The following OMG variants were observed in gnomAD, a reference collection of about 807,000 sequenced individuals.
The protein encoded by OMG is oligodendrocyte myelin glycoprotein.
OMG carries 9 observed loss-of-function variants against 26.2 expected under a neutral mutation model. That is an observed-to-expected ratio of 0.34 (90% CI 0.21 to 0.60). OMG has a LOEUF of 0.60. Ranked by LOEUF, OMG falls within the 20% of genes least tolerant of loss-of-function variation. OMG has a pLI of 0.80. For synonymous variants in OMG, 179 were observed against 190.4 expected (o/e 0.94, Z 0.49); for missense variants, 402 against 513.6 (o/e 0.78, Z 2.10).
rs1199523747 is a variant in OMG, at chr17:31,296,023, G to A, written c.309C>T (p.Asn103=). 3 of 1,614,152 alleles carry A rather than the reference G, an allele frequency of 1.9e-6. No individual in the cohort carries two copies. The highest frequency in any genetic ancestry group is 2.5e-6 in the Non-Finnish European group (3 of 1,180,010). Residue 103 remains asparagine, a synonymous_variant, in exon 2 of 2, where the codon AAC becomes AAT. Transcript: ENST00000247271. ...TAATGTTGTTGTTAGCAGCAGACAT[G>A]TTCCACAGAGACCGAGGTAAGTGAG... is the stretch of plus-strand genomic sequence containing the variant. ...LPAHLPRSLW[N]MSAANNNIKL... is the part of the protein sequence containing the mutation.
In OMG at chr17:31,296,124, G is replaced by T; in HGVS notation, c.208C>A (p.Leu70Met). 1 of 1,611,008 alleles carries T rather than the reference G, an allele frequency of 6.2e-7. No individual in the cohort carries two copies. Among genetic ancestry groups the T allele is most frequent in the Non-Finnish European group, 8.5e-7 (1 of 1,178,140 alleles). The part of the protein sequence containing the change: ...LNLSYNHFTD[L>M]HNQLTQYTNL... ...GTATATTGGGTTAACTGGTTATGCA[G>T]ATCAGTAAAGTGGTTATAAGACAGG... The change falls in exon 2 of 2, where the codon CTG becomes ATG. Residue 70 changes from leucine (L) to methionine (M), a missense_variant. This residue lies in a region of OMG where 65 missense variants were observed against 80.0 expected (regional missense o/e 0.81). Coordinates refer to ENST00000247271, the MANE Select transcript of OMG (RefSeq NM_002544.5).
Position 31,295,165 on chromosome 17 carries a change from A to G in OMG, c.1167T>C (p.Asn389=). 1 of 1,614,140 alleles carries G rather than the reference A, an allele frequency of 6.2e-7. No homozygotes were observed. The highest frequency in any genetic ancestry group is 1.1e-5 in the South Asian group (1 of 91,078). The change falls in exon 2 of 2, where the codon AAT becomes AAC. Residue 389 remains asparagine, a synonymous_variant. Coordinates refer to ENST00000247271, the MANE Select transcript of OMG (RefSeq NM_002544.5). Reference sequence around the variant, plus strand: ...TGCTTTGTTGAGGCATTTCAGAGAAATTATTTGGCATGCCACTAGTGATAC... The same window carrying G: ...TGCTTTGTTGAGGCATTTCAGAGAAGTTATTTGGCATGCCACTAGTGATAC... ...TLSITSGMPN[N]FSEMPQQSTT... is the part of the protein sequence containing the mutation.
At chr17:31,296,769 A>G (rs1189446811) in intron 1 of OMG, 4 of 216,362 alleles carry the variant, frequency 1.8e-5, no homozygotes, top group Admixed American at 1.0e-4. Context: ...TAATCTCTGC[A>G]GTAATGTAAT....
At position 31,295,065 on chromosome 17, in the gene OMG, T is replaced by G; in HGVS notation, c.1267A>C (p.Lys423Gln). ...AATAAGAGAAATGAAGCATTTACTT[T>G]CCAAGCATTTGCCACAGAAGGTAAT... ...TPLPSVANAWKVNASFLLLLN... is the reference protein window; with the variant it reads ...TPLPSVANAWQVNASFLLLLN... The change falls in exon 2 of 2, where the codon AAA becomes CAA. Residue 423 changes from lysine to glutamine, a missense_variant. By Grantham distance (53) the Lys-to-Gln change is moderately conservative. This residue lies in a region of OMG where 247 missense variants were observed against 274.7 expected (regional missense o/e 0.90). Coordinates refer to ENST00000247271, the MANE Select transcript of OMG (RefSeq NM_002544.5). 1 of 1,614,180 alleles carries G rather than the reference T, an allele frequency of 6.2e-7. No individual in the cohort carries two copies. The highest frequency in any genetic ancestry group is 8.5e-7 in the Non-Finnish European group (1 of 1,180,016).
In OMG at chr17:31,295,843, G is replaced by A; in HGVS notation, c.489C>T (p.Thr163=). The A allele has an allele frequency of 6.2e-7, 1 of 1,614,172 alleles. No individual in the cohort carries two copies. Among genetic ancestry groups the A allele is most frequent in the Non-Finnish European group, 8.5e-7 (1 of 1,180,020 alleles). Residue 163 remains threonine (T), a synonymous_variant, in exon 2 of 2, where the codon ACC becomes ACT. Transcript: ENST00000247271. The part of the protein sequence containing the change: ...LSSNKLWTVP[T]NMPSKLHIVD... ...CGATATGTAGTTTGGAGGGCATGTT[G>A]GTTGGAACTGTCCAAAGTTTGTTAC...
At position 31,295,487 on chromosome 17, in the gene OMG, C is replaced by A. The variant is rs1303980914; in HGVS notation, c.845G>T (p.Gly282Val). ...GTTAATGGTGTCCACTGTCTGCATCCCACTTACAGTGAATAAGCTTGAGGT... is the reference window on the plus strand; with the variant it reads ...GTTAATGGTGTCCACTGTCTGCATCACACTTACAGTGAATAAGCTTGAGGT... ...GFTSSLFTVSGMQTVDTINSL... is the reference protein window; with the variant it reads ...GFTSSLFTVSVMQTVDTINSL... Residue 282 changes from glycine (G) to valine (V), a missense_variant, in exon 2 of 2, where the codon GGG (glycine) becomes GTG (valine). Coordinates refer to ENST00000247271, the MANE Select transcript of OMG (RefSeq NM_002544.5). 1 of 1,613,972 alleles carries A rather than the reference C, an allele frequency of 6.2e-7. No individual in the cohort carries two copies. The highest frequency in any genetic ancestry group is 1.3e-5 in the African/African-American group (1 of 74,886).
Position 31,296,159 on chromosome 17 carries a change from A to G in OMG, c.173T>C (p.Ile58Thr). Residue 58 changes from isoleucine to threonine, a missense_variant, in exon 2 of 2, where the codon ATA (isoleucine) becomes ACA (threonine). This residue lies in a region of OMG where 65 missense variants were observed against 80.0 expected (regional missense o/e 0.81). Transcript: ENST00000247271. The stretch of plus-strand genomic sequence containing the variant: ...GTGGTTATAAGACAGGTTTAAATGT[A>G]TAATATTCTCTTGCAGTCCAGATGG... ...TLPSGLQENI[I>T]HLNLSYNHFT... 1 of 1,612,248 alleles carries G rather than the reference A, an allele frequency of 6.2e-7. No homozygotes were observed. The highest frequency in any genetic ancestry group is 2.2e-5 in the East Asian group (1 of 44,868).
Position 31,295,870 on chromosome 17 carries a change from A to G in OMG, c.462T>C (p.Ser154=), listed in dbSNP as rs1240210013. 9.9e-6 allele frequency: 16 copies of G among 1,614,208 alleles called. No homozygotes were observed. The highest frequency in any genetic ancestry group is 1.2e-5 in the Non-Finnish European group (14 of 1,180,022). Residue 154 remains serine, a synonymous_variant, in exon 2 of 2, where the codon AGT becomes AGC. Transcript: ENST00000247271. ...TLRSLEVLNL[S]SNKLWTVPTN... is the part of the protein sequence containing the mutation. ...TTGGAACTGTCCAAAGTTTGTTACT[A>G]CTGAGGTTGAGAACCTCGAGACTTC...
chr17:31,296,529 A>G (rs564952318), intron 1 of OMG, 192 bp from the exon 2 acceptor site: 5 of 614,402 alleles, frequency 8.1e-6, no homozygotes, highest in East Asian at 2.9e-5. Flanking sequence ...CAATTGGGCT[A>G]TGTGGTAGAG....
Position 31,295,044 on chromosome 17 carries a change from A to T in OMG, c.1288T>A (p.Leu430Ile). 6.2e-7 allele frequency: 1 copy of T among 1,614,186 alleles called. No individual in the cohort carries two copies. The highest frequency in any genetic ancestry group is 8.5e-7 in the Non-Finnish European group (1 of 1,180,012). The change falls in exon 2 of 2, where the codon TTA (leucine) becomes ATA (isoleucine). Residue 430 changes from leucine (L) to isoleucine (I), a missense_variant. Coordinates refer to ENST00000247271, the MANE Select transcript of OMG (RefSeq NM_002544.5). ...NAWKVNASFL[L>I]LLNVVVMLAV ...AGCATGACCACAACATTGAGCAATA[A>T]GAGAAATGAAGCATTTACTTTCCAA...
chr17:31,295,710 C>A lies in OMG; in HGVS notation c.622G>T (p.Asp208Tyr). The A allele has an allele frequency of 6.2e-7, 1 of 1,614,062 alleles. No individual in the cohort carries two copies. The highest frequency in any genetic ancestry group is 1.1e-5 in the South Asian group (1 of 91,066). The change falls in exon 2 of 2, where the codon GAC becomes TAC. Residue 208 changes from aspartate (D) to tyrosine (Y), a missense_variant. Physicochemically the swap from Asp to Tyr is radical, Grantham distance 160. Around this residue, in one of 3 missense-constraint regions of OMG, gnomAD observed 247 missense variants for 274.7 expected, o/e 0.90. Coordinates refer to ENST00000247271, the MANE Select transcript of OMG (RefSeq NM_002544.5). ...TGAAAGAGTTGGTCAAAAGATTGGT[C>A]TGGAATGAATGTGAACTTATTGTTG... ...LHNNKFTFIP[D>Y]QSFDQLFQLQ... is the part of the protein sequence containing the mutation.
At position 31,295,915 on chromosome 17, in the gene OMG, GACA is replaced by G. The variant is rs1277395835; in HGVS notation, c.414_416del (p.Val139del). 1.9e-6 allele frequency: 3 copies of G among 1,613,982 alleles called. No individual in the cohort carries two copies. The highest frequency in any genetic ancestry group is 2.5e-6 in the Non-Finnish European group (3 of 1,179,976). On this transcript the variant is annotated inframe_deletion, in exon 2 of 2. Coordinates refer to ENST00000247271, the MANE Select transcript of OMG (RefSeq NM_002544.5). ...GACTTCTTAGTGTATTTTTAATGAGGACAACCTTTTCCAGCATGTTCTTAGAAA... is the reference window on the plus strand; with the variant it reads ...GACTTCTTAGTGTATTTTTAATGAGGACCTTTTCCAGCATGTTCTTAGAAA...
rs758305498 is a variant in OMG at position 31,296,181 on chromosome 17, A to G, written c.151T>C (p.Ser51Pro). The G allele has an allele frequency of 2.8e-5, 45 of 1,613,422 alleles. No homozygotes were observed. The Middle Eastern group carries it at 6.6e-4, about 24-fold the overall frequency. ...CSGRNLSTLP[S>P]GLQENIIHLN... The stretch of plus-strand genomic sequence containing the variant: ...TGTATAATATTCTCTTGCAGTCCAG[A>G]TGGTAATGTAGACAAGTTTCTGCCT... The change falls in exon 2 of 2, where the codon TCT (serine) becomes CCT (proline). Residue 51 changes from serine (S) to proline (P), a missense_variant. Ser to Pro is a moderately conservative substitution (Grantham distance 74). Around this residue, in one of 3 missense-constraint regions of OMG, gnomAD observed 65 missense variants for 80.0 expected, o/e 0.81. Transcript: ENST00000247271.
At position 31,295,106 on chromosome 17, in the gene OMG, G is replaced by A; in HGVS notation, c.1226C>T (p.Thr409Ile). 1 of 1,614,138 alleles carries A rather than the reference G, an allele frequency of 6.2e-7. No homozygotes were observed. The highest frequency in any genetic ancestry group is 8.5e-7 in the Non-Finnish European group (1 of 1,180,012). The change falls in exon 2 of 2, where the codon ACA (threonine) becomes ATA (isoleucine). Residue 409 changes from threonine to isoleucine, a missense_variant. By Grantham distance (89) the Thr-to-Ile change is moderately conservative. Transcript: ENST00000247271. The part of the protein sequence containing the change: ...TLNLWREETT[T>I]NVKTPLPSVA... ...AGAAGGTAATGGAGTCTTTACATTT[G>A]TGGTTGTCTCTTCCCTCCATAAGTT... is the stretch of plus-strand genomic sequence containing the variant.
Position 31,295,382 on chromosome 17 carries a change from G to A in OMG, c.950C>T (p.Thr317Ile). ...YRTKETTFGA[T>I]LSKDTTFTST... The stretch of plus-strand genomic sequence containing the variant: ...AGTAAAGGTGGTGTCTTTGCTTAGA[G>A]TGGCACCAAACGTTGTTTCCTTTGT... Residue 317 changes from threonine (T) to isoleucine (I), a missense_variant, in exon 2 of 2, where the codon ACT becomes ATT. Thr to Ile is a moderately conservative substitution (Grantham distance 89). This residue lies in a region of OMG where 247 missense variants were observed against 274.7 expected (regional missense o/e 0.90). Coordinates refer to ENST00000247271, the MANE Select transcript of OMG (RefSeq NM_002544.5). 1.2e-6 allele frequency: 2 copies of A among 1,614,132 alleles called. No homozygotes were observed. Among genetic ancestry groups the A allele is most frequent in the South Asian group, 2.2e-5 (2 of 91,082 alleles).
In OMG at chr17:31,295,411, A is replaced by G. The variant is rs2151499062; in HGVS notation, c.921T>C (p.Tyr307=). The G allele has an allele frequency of 6.2e-6, 10 of 1,613,990 alleles. No homozygotes were observed. The highest frequency in any genetic ancestry group is 7.6e-6 in the Non-Finnish European group (9 of 1,179,978). The stretch of plus-strand genomic sequence containing the variant: ...CACCAAACGTTGTTTCCTTTGTTCG[A>G]TATTGTTTGGGTATTTTGGTCACTT... The part of the protein sequence containing the change: ...QPKVTKIPKQ[Y]RTKETTFGAT... The change falls in exon 2 of 2, where the codon TAT becomes TAC. Residue 307 remains tyrosine, a synonymous_variant. Transcript: ENST00000247271.
rs2151499379 is a variant in OMG, at chr17:31,295,670, G to T, written c.662C>A (p.Thr221Asn). 1.9e-6 allele frequency: 3 copies of T among 1,614,074 alleles called. No individual in the cohort carries two copies. The highest frequency in any genetic ancestry group is 1.3e-5 in the African/African-American group (1 of 75,038). ...FDQLFQLQEI[T>N]LYNNRWSCDH... ...ACATGACCACCTGTTATTGTAAAGG[G>T]TTATCTCTTGCAACTGAAAGAGTTG... Residue 221 changes from threonine (T) to asparagine (N), a missense_variant, in exon 2 of 2, where the codon ACC (threonine) becomes AAC (asparagine). Transcript: ENST00000247271.
Position 31,296,214 on chromosome 17 carries a change from C to G in OMG, c.118G>C (p.Asp40His). 1.9e-6 allele frequency: 3 copies of G among 1,614,074 alleles called. No individual in the cohort carries two copies. Among genetic ancestry groups the G allele is most frequent in the Non-Finnish European group, 2.5e-6 (3 of 1,180,004 alleles). The change falls in exon 2 of 2, where the codon GAC (aspartate) becomes CAC (histidine). Residue 40 changes from aspartate to histidine, a missense_variant. Physicochemically the swap from Asp to His is moderately conservative, Grantham distance 81 (BLOSUM62 -1). This residue lies in a region of OMG where 65 missense variants were observed against 80.0 expected (regional missense o/e 0.81). Transcript: ENST00000247271. ...CICTERHRHVDCSGRNLSTLP... is the reference protein window; with the variant it reads ...CICTERHRHVHCSGRNLSTLP... ...GTAGACAAGTTTCTGCCTGAACAGT[C>G]CACATGCCTGTGCCTCTCTGTGCAT...
At position 31,296,177 on chromosome 17, in the gene OMG, C is replaced by G. The variant is rs752539765; in HGVS notation, c.155G>C (p.Gly52Ala). The change falls in exon 2 of 2, where the codon GGA (glycine) becomes GCA (alanine). Residue 52 changes from glycine to alanine, a missense_variant. Physicochemically the swap from Gly to Ala is moderately conservative, Grantham distance 60. Transcript: ENST00000247271. ...SGRNLSTLPS[G>A]LQENIIHLNL... ...TAAATGTATAATATTCTCTTGCAGTCCAGATGGTAATGTAGACAAGTTTCT... is the reference window on the plus strand; with the variant it reads ...TAAATGTATAATATTCTCTTGCAGTGCAGATGGTAATGTAGACAAGTTTCT... 1 of 1,613,032 alleles carries G rather than the reference C, an allele frequency of 6.2e-7. No homozygotes were observed. The highest frequency in any genetic ancestry group is 1.3e-5 in the African/African-American group (1 of 74,836).
Sources: allele counts gnomAD v4.1 joint callset, GRCh38; gene constraint gnomAD v4.1.1; regional missense constraint gnomAD v4.1.1; transcripts MANE v1.5; gene names NCBI Gene and HGNC (gene_info 2026-07-23, HGNC 2026-07-21).